Variants in TDP1 observed in about 807,000 individuals in gnomAD.
The protein encoded by TDP1 is tyr-DNA phosphodiesterase 1.
TDP1 carries 64 observed loss-of-function variants against 81.5 expected under a neutral mutation model. The ratio of observed to expected loss-of-function variants is 0.79; its 90% CI spans 0.64 to 0.97. The LOEUF is 0.97. TDP1 is among the 50% of genes least tolerant of loss of function. The pLI, the probability that TDP1 is intolerant of heterozygous loss-of-function variation, is 0.00. For synonymous variants in TDP1, 256 were observed against 264.3 expected (o/e 0.97, Z 0.30); for missense variants, 723 against 743.8 (o/e 0.97, Z 0.33).
chr14:89,987,524 C>T (rs181446109), intron 10 of TDP1, among the ~76,000 whole-genome samples: 58 of 152,294 alleles, frequency 3.8e-4, no homozygotes, highest in African/African-American at 1.3e-3. Flanking sequence ...ATGAATGGCA[C>T]GCAGAGGAGG....
At chr14:90,026,987 G>A (rs1188761434) in intron 15 of TDP1, among the ~76,000 whole-genome samples, 2 of 152,178 alleles carry the variant, frequency 1.3e-5, no homozygotes, top group East Asian at 3.8e-4. Context: ...TAATGGGTTG[G>A]CTGGGTCAAA....
chr14:89,980,340 C>T, intron 7 of TDP1, 200 bp from the exon 8 acceptor site: 1 of 983,046 alleles, frequency 1.0e-6, no homozygotes, highest in Non-Finnish European at 1.2e-6. Context: ...AATACTCAAC[C>T]TTTCTGAAAG....
Position 89,956,664 on chromosome 14 carries a change from G to C in TDP1, c.-144G>C, listed in dbSNP as rs1891682040. 6.6e-6 allele frequency: 1 copy of C among 152,308 alleles called. No homozygotes were observed. Among genetic ancestry groups the C allele is most frequent in the Admixed American group, 6.5e-5 (1 of 15,282 alleles). The allele number at this position is 152,308 out of a possible 1,614,324, so 9.4% of individuals were successfully genotyped here. A position where few individuals can be genotyped will look rare whatever the true frequency, so the allele number is the denominator to read the frequency against. ...TGTCATCCTAGCACTTTGGGAGGCCGAGGCGGCTGAATCACTTGAGGTTAG... is the reference window on the plus strand; with the variant it reads ...TGTCATCCTAGCACTTTGGGAGGCCCAGGCGGCTGAATCACTTGAGGTTAG... On this transcript the variant is annotated 5_prime_UTR_variant, in exon 2 of 17. Coordinates refer to ENST00000335725, the MANE Select transcript of TDP1 (RefSeq NM_018319.4).
At chr14:90,040,161 GCTTA>G (rs1297837917) in intron 16 of TDP1, among the ~76,000 whole-genome samples, 2 of 152,106 alleles carry the variant, frequency 1.3e-5, no homozygotes, top group Admixed American at 6.5e-5. Context: ...ACCCAGCCTT[GCTTA>G]CTTGTTCATC....
chr14:89,987,991 T>G (rs1228527108), intron 10 of TDP1, among the ~76,000 whole-genome samples: 3 of 152,198 alleles, frequency 2.0e-5, no homozygotes, highest in African/African-American at 7.2e-5. Context: ...CCAGAACTTC[T>G]GACTGACCAG....
rs564494372 is a variant in TDP1 at position 90,021,548 on chromosome 14, C to T, written c.1644+2130C>T. 8.5e-5 allele frequency among the ~76,000 whole-genome samples: 13 copies of T among 152,292 alleles called. No individual in the cohort carries two copies. In the South Asian group the frequency reaches 2.1e-3, roughly 24 times the overall value. On this transcript the variant is annotated intron_variant, in intron 15 of 16. Coordinates refer to ENST00000335725, the MANE Select transcript of TDP1 (RefSeq NM_018319.4). ...GTATTGCCCTTCCAGGTCCTCTAAA[C>T]CCTTCTGAGCTATTCATTTTTTACC...
chr14:89,974,937 A>G (rs1214458044), intron 6 of TDP1, among the ~76,000 whole-genome samples: 2 of 152,244 alleles, frequency 1.3e-5, no homozygotes, highest in African/African-American at 2.4e-5. Context: ...CATACCCTCC[A>G]TTAGTTTGTA....
At chr14:89,954,993 G>A (rs766355342), upstream of TDP1, 55 of 397,774 alleles carry the variant, frequency 1.4e-4, no homozygotes, top group Admixed American at 3.1e-4. Context: ...CTGGTTCAAT[G>A]CCTGGTTCAT....
At chr14:90,017,222 A>G (rs1277940704) in intron 14 of TDP1, among the ~76,000 whole-genome samples, 2 of 151,838 alleles carry the variant, frequency 1.3e-5, no homozygotes, top group Non-Finnish European at 2.9e-5. Context: ...GTGCACGCAC[A>G]CACACACACT....
Position 89,956,617 on chromosome 14 carries a change from G to A in TDP1, c.-191G>A, listed in dbSNP as rs527568371. On this transcript the variant is annotated 5_prime_UTR_variant, in exon 2 of 17. Transcript: ENST00000335725. ...GCTGTATTAAAAAGGCAAATCGAAG[G>A]CCGGGCGCGGTGACTCACGCCTGTC... The A allele has an allele frequency of 6.6e-6, 1 of 152,466 alleles. No individual in the cohort carries two copies. Among genetic ancestry groups the A allele is most frequent in the Admixed American group, 6.5e-5 (1 of 15,304 alleles). The allele number at this position is 152,466 out of a possible 1,614,324, so 9.4% of individuals were successfully genotyped here.
chr14:90,001,628 T>A (rs1897192418), intron 14 of TDP1, among the ~76,000 whole-genome samples: 1 of 152,226 alleles, frequency 6.6e-6, no homozygotes, highest in Admixed American at 6.5e-5. Flanking sequence ...ACTGAATGAA[T>A]GGTATCCCCC....
chr14:89,996,921 C>T (rs1380655445), intron 14 of TDP1, among the ~76,000 whole-genome samples: 1 of 152,206 alleles, frequency 6.6e-6, no homozygotes, highest in Non-Finnish European at 1.5e-5. Context: ...AGAGTTGAGG[C>T]AGTTCTACCC....
chr14:89,971,993 C>T (rs541225395), intron 6 of TDP1, among the ~76,000 whole-genome samples: 4 of 152,188 alleles, frequency 2.6e-5, no homozygotes, highest in African/African-American at 9.6e-5. Flanking sequence ...CTATGTGAGT[C>T]GTATGCTGTG....
chr14:90,010,569 A>C (rs1354052345), intron 14 of TDP1, among the ~76,000 whole-genome samples: 1 of 151,720 alleles, frequency 6.6e-6, no homozygotes, highest in Non-Finnish European at 1.5e-5. Flanking sequence ...TGGAAGAGGG[A>C]CAAGTCGAGA....
At chr14:89,990,716 T>G (rs2140126149) in intron 12 of TDP1, among the ~76,000 whole-genome samples, 1 of 152,174 alleles carries the variant, frequency 6.6e-6, no homozygotes, top group South Asian at 2.1e-4. Context: ...ACAAAGTTGT[T>G]TTATAACTGG....
At chr14:90,033,953 A>G (rs1887569084) in intron 16 of TDP1, among the ~76,000 whole-genome samples, 1 of 152,026 alleles carries the variant, frequency 6.6e-6, no homozygotes, top group Non-Finnish European at 1.5e-5. Context: ...TGTAGTTCCA[A>G]CTATTTGGAT....
chr14:89,980,003 C>T (rs926232097), intron 7 of TDP1: 2 of 226,880 alleles, frequency 8.8e-6, no homozygotes, highest in African/African-American at 2.3e-5. Flanking sequence ...ATCTTTTAAA[C>T]TTCTTAAAAT....
At chr14:90,014,466 G>C (rs1303183604) in intron 14 of TDP1, among the ~76,000 whole-genome samples, 2 of 152,164 alleles carry the variant, frequency 1.3e-5, no homozygotes, top group African/African-American at 4.8e-5. Context: ...TGGAGTCATG[G>C]TTTCCCCTCC....
At chr14:90,037,709 T>C (rs1231260140) in intron 16 of TDP1, among the ~76,000 whole-genome samples, 1 of 152,212 alleles carries the variant, frequency 6.6e-6, no homozygotes, top group African/African-American at 2.4e-5. Context: ...ACTTTGATTG[T>C]ATATTTCCTA....
Sources: gnomAD v4.1 joint callset for allele counts (sites outside exome capture counted in the v4.1 genomes callset) on GRCh38, gnomAD v4.1.1 for gene constraint, MANE v1.5 for transcripts, NCBI Gene and HGNC (gene_info 2026-07-23, HGNC 2026-07-21) for gene names.